GLIS3: variants seen among roughly 807,000 people sequenced by gnomAD.
GLIS3 encodes zinc finger protein GLIS3.
In GLIS3, 53 loss-of-function variants were observed where a neutral mutation model predicts 78.6. That is an observed-to-expected ratio of 0.67 (90% CI 0.54 to 0.85). GLIS3 has a LOEUF of 0.85. Ranked by LOEUF, GLIS3 falls within the 40% of genes least tolerant of loss-of-function variation. The pLI is 0.00. For missense variants in GLIS3, 1,703 were observed against 1,231.1 expected (o/e 1.38, Z -5.74); for synonymous variants, 684 against 509.9 (o/e 1.34, Z -4.60).
intron 2 of GLIS3, among the ~76,000 whole-genome samples, chr9:4,196,792 T>G (rs998262953): frequency 6.6e-6 from 1 of 152,188 alleles, no homozygotes. Flanking sequence ...ACCCCCCAAT[T>G]TCGGACACAC....
chr9:4,319,263 T>G (rs1817484308), intron 2 of GLIS3, among the ~76,000 whole-genome samples: 1 of 152,186 alleles, frequency 6.6e-6, no homozygotes, highest in South Asian at 2.1e-4. Flanking sequence ...AAAATATCAC[T>G]GTACTTAGGG....
At chr9:4,445,584 T>C in the GLIS3 span, among the ~76,000 whole-genome samples, 1 of 152,184 alleles carries the variant, frequency 6.6e-6, no homozygotes, top group Admixed American at 6.5e-5. Flanking sequence ...CAGTGAGCTA[T>C]GATTGCACCA....
intron 4 of GLIS3, among the ~76,000 whole-genome samples, chr9:4,011,710 A>C (rs535344359): frequency 6.6e-6 from 1 of 152,210 alleles, no homozygotes. Flanking sequence ...ATTTTTGGTA[A>C]ATTACTTTCA....
intron 6 of GLIS3, among the ~76,000 whole-genome samples, chr9:3,930,308 C>G (rs766045942): frequency 6.6e-6 from 1 of 152,168 alleles, no homozygotes; most frequent in Non-Finnish European, 1.5e-5. Context: ...ATTTGAGAGA[C>G]AGTGTCTCCA....
At chr9:4,394,322 T>G in the GLIS3 span, among the ~76,000 whole-genome samples, 1 of 151,542 alleles carries the variant, frequency 6.6e-6, no homozygotes, top group Admixed American at 6.6e-5. Flanking sequence ...TAAAAATTAT[T>G]ATCTCATAAT....
At chr9:3,862,051 G>A (rs747781300) in intron 8 of GLIS3, among the ~76,000 whole-genome samples, 22 of 152,186 alleles carry the variant, frequency 1.4e-4, no homozygotes, top group Non-Finnish European at 2.5e-4. Context: ...ATATCTTGGT[G>A]CTGGGTTTTC....
At chr9:3,870,575 A>G (rs992743978) in intron 8 of GLIS3, among the ~76,000 whole-genome samples, 6 of 152,352 alleles carry the variant, frequency 3.9e-5, no homozygotes, top group East Asian at 1.9e-4. Context: ...CCCATCTTAC[A>G]TGGATGGCAG....
At chr9:4,185,682 T>G (rs1817722642) in intron 2 of GLIS3, among the ~76,000 whole-genome samples, 1 of 152,212 alleles carries the variant, frequency 6.6e-6, no homozygotes, top group African/African-American at 2.4e-5. Flanking sequence ...GTCAATCATG[T>G]GGATAGCAGT....
At chr9:4,440,191 T>G in the GLIS3 span, among the ~76,000 whole-genome samples, 2 of 152,194 alleles carry the variant, frequency 1.3e-5, no homozygotes, top group Non-Finnish European at 2.9e-5. Context: ...GTTTTTTAGT[T>G]TGTTGTAATC....
chr9:4,311,641 A>C (rs370491064), intron 2 of GLIS3, among the ~76,000 whole-genome samples: 5 of 152,072 alleles, frequency 3.3e-5, no homozygotes, highest in Middle Eastern at 3.4e-3. Context: ...GTCTTCCCCA[A>C]CAGCAACATG....
chr9:4,094,051 T>C (rs1252461401), intron 4 of GLIS3, among the ~76,000 whole-genome samples: 2 of 152,208 alleles, frequency 1.3e-5, no homozygotes, highest in African/African-American at 4.8e-5. Flanking sequence ...CTCTGGGTTC[T>C]TCCAGATCAT....
chr9:4,150,385 G>C (rs560198100), intron 2 of GLIS3, among the ~76,000 whole-genome samples: 22 of 152,284 alleles, frequency 1.4e-4, no homozygotes, highest in African/African-American at 5.1e-4. Flanking sequence ...GGTAGATGGG[G>C]CCAGCCATAT....
At chr9:4,002,901 G>A (rs565913297) in intron 4 of GLIS3, among the ~76,000 whole-genome samples, 2 of 152,262 alleles carry the variant, frequency 1.3e-5, no homozygotes, top group East Asian at 3.9e-4. Context: ...CAACCATGAG[G>A]CAAAGGTCAA....
chr9:4,108,462 C>T (rs1830946095), intron 4 of GLIS3, among the ~76,000 whole-genome samples: 1 of 152,176 alleles, frequency 6.6e-6, no homozygotes, highest in Admixed American at 6.5e-5. Flanking sequence ...AGACAGATTT[C>T]TATTTCAGAA....
At chr9:4,328,698 G>C (rs1027166475) in intron 2 of GLIS3, among the ~76,000 whole-genome samples, 1 of 152,210 alleles carries the variant, frequency 6.6e-6, no homozygotes, top group African/African-American at 2.4e-5. Flanking sequence ...TTGTGACCTT[G>C]GGTGAATTTC....
intron 4 of GLIS3, among the ~76,000 whole-genome samples, chr9:4,074,454 TGA>T (rs1827886586): frequency 6.6e-6 from 1 of 152,186 alleles, no homozygotes; most frequent in Non-Finnish European, 1.5e-5. Context: ...CCCACAATCC[TGA>T]GAGATTCAGA....
intron 4 of GLIS3, among the ~76,000 whole-genome samples, chr9:4,021,084 C>T (rs947416362): frequency 1.3e-5 from 2 of 152,188 alleles, no homozygotes; most frequent in African/African-American, 2.4e-5. Flanking sequence ...CTCAGAAAGT[C>T]TCTGAAACTG....
At chr9:4,421,801 G>C in the GLIS3 span, among the ~76,000 whole-genome samples, 1 of 152,200 alleles carries the variant, frequency 6.6e-6, no homozygotes, top group Admixed American at 6.5e-5. Context: ...TGTTAAAATA[G>C]TGAACCAAAC....
At chr9:4,124,081 A>G (rs554164107) in intron 3 of GLIS3, among the ~76,000 whole-genome samples, 1 of 152,116 alleles carries the variant, frequency 6.6e-6, no homozygotes, top group African/African-American at 2.4e-5. Flanking sequence ...CTCTCCATTG[A>G]TGAAATACAC....
Sources: allele counts gnomAD v4.1 joint callset (sites outside exome capture counted in the v4.1 genomes callset), GRCh38; gene constraint gnomAD v4.1.1; transcripts MANE v1.5; gene names NCBI Gene and HGNC (gene_info 2026-07-23, HGNC 2026-07-21).